The following MAMLD1 variants were observed in gnomAD, a reference collection of about 807,000 sequenced individuals.
The protein encoded by MAMLD1 is mastermind-like domain-containing protein 1.
MAMLD1 carries 14 observed loss-of-function variants against 45.0 expected under a neutral mutation model. The observed-to-expected ratio is 0.31, with a 90% CI of 0.21 to 0.49. The LOEUF is 0.49. Among genes scored for constraint, MAMLD1 ranks in the 20% least tolerant of loss-of-function variants. The pLI is 0.99. For missense variants in MAMLD1, 543 were observed against 603.6 expected (o/e 0.90, Z 1.05); for synonymous variants, 254 against 247.8 (o/e 1.02, Z -0.24).
At chrX:150,437,226 G>A (rs1282156752) in intron 1 of MAMLD1, among the ~76,000 whole-genome samples, 3 of 111,873 alleles carry the variant, frequency 2.7e-5, no homozygotes, top group African/African-American at 6.5e-5. Context: ...GTAGCAGAAC[G>A]GCAGGGTGCA....
At chrX:150,485,046 A>T (rs1392367352) in intron 5 of MAMLD1, among the ~76,000 whole-genome samples, 2 of 111,413 alleles carry the variant, frequency 1.8e-5, no homozygotes, top group African/African-American at 6.5e-5. Context: ...GCTCTGCTAA[A>T]CTGATCAAAT....
chrX:150,397,824 A>C (rs1372640064), intron 1 of MAMLD1, among the ~76,000 whole-genome samples: 1 of 111,518 alleles, frequency 9.0e-6, no homozygotes, highest in Non-Finnish European at 1.9e-5. Flanking sequence ...CATGAAATCT[A>C]TGTGTTAGAT....
rs1557406474 is a variant in MAMLD1 at position 150,471,073 on chromosome X, G to T, written c.1500G>T (p.Gln500His). The part of the protein sequence containing the change: ...LSQQQQQQQQ[Q>H]QQANVIFKPI... ...AGCAACAGCAGCAGCAGCAGCAGCA[G>T]CAGCAAGCAAATGTGATCTTTAAGC... The change falls in exon 4 of 8, where the codon CAG (glutamine) becomes CAT (histidine). Residue 500 changes from glutamine to histidine, a missense_variant. Transcript: ENST00000370401. The T allele has an allele frequency of 8.3e-7, 1 of 1,211,300 alleles. No homozygotes were observed. The highest frequency in any genetic ancestry group is 2.2e-5 in the Admixed American group (1 of 46,014).
intron 1 of MAMLD1, among the ~76,000 whole-genome samples, chrX:150,395,553 ATCCAGGCCT>A (rs2033380852): frequency 1.8e-5 from 2 of 111,414 alleles, no homozygotes; most frequent in African/African-American, 6.5e-5. Context: ...CAGTGAACCC[ATCCAGGCCT>A]GGCGCCTTCT....
intron 6 of MAMLD1, among the ~76,000 whole-genome samples, chrX:150,508,140 G>C (rs1220683549): frequency 8.9e-6 from 1 of 112,509 alleles, no homozygotes; most frequent in African/African-American, 3.2e-5. Flanking sequence ...GATGTCCTGA[G>C]ACTGGTACAA....
chrX:150,383,165 A>G (rs1311950788), intron 1 of MAMLD1, among the ~76,000 whole-genome samples: 1 of 31,100 alleles, frequency 3.2e-5, no homozygotes, highest in Non-Finnish European at 6.1e-5. Flanking sequence ...CGGCCTCCCA[A>G]AGTGCTGGGA....
chrX:150,424,282 G>T (rs1297061733), intron 1 of MAMLD1, among the ~76,000 whole-genome samples: 2 of 112,798 alleles, frequency 1.8e-5, no homozygotes, highest in Non-Finnish European at 3.7e-5. Context: ...TTGCCAGGAA[G>T]TCCTGGCCTC....
chrX:150,384,194 G>A (rs910343622), intron 1 of MAMLD1, among the ~76,000 whole-genome samples: 1 of 112,055 alleles, frequency 8.9e-6, no homozygotes, highest in Admixed American at 9.4e-5. Flanking sequence ...CTGCCAAACT[G>A]TTCCAAAGTA....
At chrX:150,406,535 G>C (rs2034002479) in intron 1 of MAMLD1, among the ~76,000 whole-genome samples, 1 of 111,776 alleles carries the variant, frequency 8.9e-6, no homozygotes, top group Admixed American at 9.5e-5. Context: ...AAGTCAAGCA[G>C]ACGTGGGTCC....
At chrX:150,436,711 T>C (rs2035132593) in intron 1 of MAMLD1, among the ~76,000 whole-genome samples, 2 of 111,829 alleles carry the variant, frequency 1.8e-5, no homozygotes, top group Admixed American at 9.5e-5. Flanking sequence ...TTCTGAATTC[T>C]ATTTCTGTCA....
intron 1 of MAMLD1, among the ~76,000 whole-genome samples, chrX:150,406,244 G>A (rs1287051189): frequency 9.1e-6 from 1 of 109,755 alleles, no homozygotes; most frequent in Non-Finnish European, 1.9e-5. Context: ...TACAAAGGAG[G>A]ACACTAAGGC....
Position 150,445,478 on chromosome X carries a change from A to G in MAMLD1, c.-39A>G, listed in dbSNP as rs1557404740. The G allele has an allele frequency of 1.8e-6, 2 of 1,083,157 alleles. No individual in the cohort carries two copies. Among genetic ancestry groups the G allele is most frequent in the African/African-American group, 3.7e-5 (2 of 54,620 alleles). The allele number at this position is 1,083,157 out of a possible 1,213,427, so 89.3% of individuals were successfully genotyped here. A position where few individuals can be genotyped will look rare whatever the true frequency, so the allele number is the denominator to read the frequency against. On this transcript the variant is annotated 5_prime_UTR_variant, in exon 2 of 8. Transcript: ENST00000370401. The stretch of plus-strand genomic sequence containing the variant: ...GCCCTGTGTCTAGGTCGTTTGGGAA[A>G]CGCCTTGGAGAGTCAAGAATAAATT...
intron 1 of MAMLD1, among the ~76,000 whole-genome samples, chrX:150,414,044 A>AAAAAAAAAAAAAAAAAC: frequency 1.9e-5 from 2 of 105,881 alleles, no homozygotes; most frequent in Non-Finnish European, 3.9e-5. Context: ...AAAAAAAAAA[A>AAAAAAAAAAAAAAAAAC]AAAAGAGCCA....
intron 5 of MAMLD1, among the ~76,000 whole-genome samples, chrX:150,493,574 C>T (rs1432648903): frequency 9.0e-6 from 1 of 111,237 alleles, no homozygotes; most frequent in Non-Finnish European, 1.9e-5. Context: ...TTTAGAAGCC[C>T]CTTGTGTGCC....
intron 1 of MAMLD1, among the ~76,000 whole-genome samples, chrX:150,364,330 T>C (rs2031217714): frequency 8.8e-6 from 1 of 113,155 alleles, no homozygotes; most frequent in South Asian, 3.6e-4. Flanking sequence ...CGAAGCCTCC[T>C]GGAAAGCTGG....
intron 2 of MAMLD1, among the ~76,000 whole-genome samples, chrX:150,453,711 A>G (rs1166284687): frequency 6.3e-5 from 7 of 111,584 alleles, no homozygotes; most frequent in Non-Finnish European, 1.3e-4. Flanking sequence ...ACCCTCTGCA[A>G]ATTCACGACT....
At chrX:150,398,308 GA>G (rs1557402324) in intron 1 of MAMLD1, among the ~76,000 whole-genome samples, 19 of 99,099 alleles carry the variant, frequency 1.9e-4, no homozygotes, top group African/African-American at 6.0e-4. Flanking sequence ...AGAAGAAGAA[GA>G]AGAAGAAGAA....
intron 1 of MAMLD1, among the ~76,000 whole-genome samples, chrX:150,436,150 A>AC (rs1569564780): frequency 1.0e-5 from 1 of 96,882 alleles, no homozygotes; most frequent in African/African-American, 3.8e-5. Context: ...CTTTAACATG[A>AC]TTTTTTTTTT....
chrX:150,400,977 C>T (rs1237749218), intron 1 of MAMLD1, among the ~76,000 whole-genome samples: 1 of 110,020 alleles, frequency 9.1e-6, no homozygotes, highest in Admixed American at 9.6e-5. Flanking sequence ...CCTCATAAAA[C>T]GAGTTAGGGA....
Sources: gnomAD v4.1 joint callset for allele counts (sites outside exome capture counted in the v4.1 genomes callset) on GRCh38, gnomAD v4.1.1 for gene constraint, MANE v1.5 for transcripts, NCBI Gene and HGNC (gene_info 2026-07-23, HGNC 2026-07-21) for gene names.